Variants in LPP observed in about 807,000 individuals in gnomAD.
LPP encodes LIM domain containing preferred translocation partner in lipoma, also known as lipoma-preferred partner.
A neutral mutation model predicts 60.4 loss-of-function variants in LPP; 38 were observed. That is an observed-to-expected ratio of 0.63 (90% CI 0.49 to 0.83). The LOEUF is 0.83. LPP is among the 40% of genes least tolerant of loss of function. The pLI, the probability that LPP is intolerant of heterozygous loss-of-function variation, is 0.00. For missense variants in LPP, 902 were observed against 783.6 expected (o/e 1.15, Z -1.80); for synonymous variants, 328 against 290.8 (o/e 1.13, Z -1.30).
At chr3:188,471,983 C>T (rs1801962382) in intron 4 of LPP, among the ~76,000 whole-genome samples, 1 of 152,132 alleles carries the variant, frequency 6.6e-6, no homozygotes, top group Admixed American at 6.5e-5. Context: ...AATCCTTAGC[C>T]TTGATCTCTT....
intron 1 of LPP, among the ~76,000 whole-genome samples, chr3:188,200,750 G>C (rs1211490362): frequency 6.6e-6 from 1 of 152,134 alleles, no homozygotes; most frequent in Non-Finnish European, 1.5e-5. Context: ...GTCGGCTTCT[G>C]TGATGCAGAA....
intron 1 of LPP, among the ~76,000 whole-genome samples, chr3:188,222,479 A>T (rs1716160182): frequency 6.6e-6 from 1 of 152,266 alleles, no homozygotes; most frequent in South Asian, 2.1e-4. Context: ...GATGATATTA[A>T]CCCTGTTTTG....
At chr3:188,859,711 G>A (rs1448348018) in intron 9 of LPP, among the ~76,000 whole-genome samples, 1 of 152,104 alleles carries the variant, frequency 6.6e-6, no homozygotes, top group Non-Finnish European at 1.5e-5. Context: ...GGCAATAGAT[G>A]CAAAAAGTTA....
At chr3:188,844,562 A>T (rs1194789824) in intron 9 of LPP, among the ~76,000 whole-genome samples, 1 of 152,368 alleles carries the variant, frequency 6.6e-6, no homozygotes, top group African/African-American at 2.4e-5. Context: ...TCAATAATGT[A>T]GTGATTCCAA....
chr3:188,270,716 C>T (rs1190635234), intron 2 of LPP, among the ~76,000 whole-genome samples: 2 of 152,220 alleles, frequency 1.3e-5, no homozygotes, highest in African/African-American at 4.8e-5. Flanking sequence ...TTATGCAGAA[C>T]ATGAACTGTG....
rs1390814844 is a variant in LPP at position 188,886,641 on chromosome 3, C to T, written c.*12162C>T. On this transcript the variant is annotated 3_prime_UTR_variant, in exon 12 of 12. Coordinates refer to ENST00000617246, the MANE Select transcript of LPP (RefSeq NM_001375462.1). ...ATCTTCACATAATATAAAGAAAAAACTAATAAAAATTTTCGTATTTCACTT... is the reference window on the plus strand; with the variant it reads ...ATCTTCACATAATATAAAGAAAAAATTAATAAAAATTTTCGTATTTCACTT... 4.7e-6 allele frequency: 1 copy of T among 211,518 alleles called. No homozygotes were observed. Among genetic ancestry groups the T allele is most frequent in the African/African-American group, 2.3e-5 (1 of 43,178 alleles). The allele number at this position is 211,518 out of a possible 1,614,324, so 13.1% of individuals were successfully genotyped here.
At chr3:188,770,076 A>G (rs1195048971) in intron 9 of LPP, among the ~76,000 whole-genome samples, 1 of 151,910 alleles carries the variant, frequency 6.6e-6, no homozygotes, top group Non-Finnish European at 1.5e-5. Flanking sequence ...AATTGTTGGC[A>G]GTGGTTCAGT....
chr3:188,884,188 A>G lies in LPP; in HGVS notation c.*9709A>G. 4.4e-6 allele frequency: 1 copy of G among 228,460 alleles called. No individual in the cohort carries two copies. The highest frequency in any genetic ancestry group is 8.7e-6 in the Non-Finnish European group (1 of 115,040). The allele number at this position is 228,460 out of a possible 1,614,324, so 14.2% of individuals were successfully genotyped here. On this transcript the variant is annotated 3_prime_UTR_variant, in exon 12 of 12. Coordinates refer to ENST00000617246, the MANE Select transcript of LPP (RefSeq NM_001375462.1). ...ATTAGTACCCCTATTCTAGAAGAGA[A>G]AGCTGAGGCTCAAGCCATTAAGTGA...
intron 2 of LPP, among the ~76,000 whole-genome samples, chr3:188,294,271 G>A (rs1304382883): frequency 6.6e-6 from 1 of 152,062 alleles, no homozygotes. Flanking sequence ...ATATGGTGGT[G>A]ATGATTGCAC....
At chr3:188,250,788 G>GTCTT (rs1460686830) in intron 2 of LPP, among the ~76,000 whole-genome samples, 3 of 48,074 alleles carry the variant, frequency 6.2e-5, no homozygotes, top group African/African-American at 2.8e-4. Flanking sequence ...CTTTCTTTCT[G>GTCTT]TCTTTCTCTT....
At chr3:188,315,980 A>G (rs57910850) in intron 2 of LPP, among the ~76,000 whole-genome samples, 28,317 of 152,232 alleles carry the variant, frequency 0.19, 2,983 homozygotes, top group East Asian at 0.32. Flanking sequence ...ATGTCTTTCT[A>G]AAGATTAGCC....
At chr3:188,262,283 G>C (rs1733934427) in intron 2 of LPP, among the ~76,000 whole-genome samples, 1 of 151,896 alleles carries the variant, frequency 6.6e-6, no homozygotes, top group Non-Finnish European at 1.5e-5. Context: ...CACGATTATG[G>C]GTAGTCTTAA....
intron 1 of LPP, among the ~76,000 whole-genome samples, chr3:188,190,789 C>T (rs1727946396): frequency 6.6e-6 from 1 of 152,180 alleles, no homozygotes; most frequent in South Asian, 2.1e-4. Context: ...TAGAATTTAG[C>T]CCCGGCCATA....
intron 2 of LPP, among the ~76,000 whole-genome samples, chr3:188,308,207 C>T (rs1465874156): frequency 6.6e-6 from 1 of 152,058 alleles, no homozygotes; most frequent in South Asian, 2.1e-4. Flanking sequence ...AGCAGTTTCT[C>T]GGTTTTATTT....
At chr3:188,442,714 A>G (rs1049732806) in intron 4 of LPP, among the ~76,000 whole-genome samples, 1 of 152,184 alleles carries the variant, frequency 6.6e-6, no homozygotes, top group Non-Finnish European at 1.5e-5. Context: ...AGTTCACACC[A>G]TCACTGTGAA....
At chr3:188,368,711 CACACACACAGAG>C (rs1200367305) in intron 3 of LPP, among the ~76,000 whole-genome samples, 198 of 120,186 alleles carry the variant, frequency 1.6e-3, no homozygotes, top group South Asian at 0.016. Flanking sequence ...CACACACACA[CACACACACAGAG>C]AGAGAGAGAG....
chr3:188,204,023 G>A (rs987250020), intron 1 of LPP, among the ~76,000 whole-genome samples: 1 of 152,148 alleles, frequency 6.6e-6, no homozygotes, highest in Non-Finnish European at 1.5e-5. Context: ...CTGGGAATTG[G>A]TGGGGCCATC....
chr3:188,889,185 T>C lies in LPP; in HGVS notation c.*14706T>C. The C allele has an allele frequency of 4.4e-6, 1 of 228,906 alleles. No individual in the cohort carries two copies. Among genetic ancestry groups the C allele is most frequent in the East Asian group, 6.2e-5 (1 of 16,048 alleles). 14.2% of individuals were successfully genotyped at this position (228,906 alleles called of 1,614,324 possible). ...CAGATCCTTAGAGCATTACTTTGAC[T>C]CCTAAAAATAGTAGTGTATGTTATT... On this transcript the variant is annotated 3_prime_UTR_variant, in exon 12 of 12. Transcript: ENST00000617246.
intron 9 of LPP, among the ~76,000 whole-genome samples, chr3:188,813,651 T>G (rs578206337): frequency 6.6e-6 from 1 of 152,322 alleles, no homozygotes; most frequent in South Asian, 2.1e-4. Flanking sequence ...TGCAGAAAGC[T>G]GCACTCTGCC....
Sources: gnomAD v4.1 joint callset for allele counts (sites outside exome capture counted in the v4.1 genomes callset) on GRCh38, gnomAD v4.1.1 for gene constraint, MANE v1.5 for transcripts, NCBI Gene and HGNC (gene_info 2026-07-23, HGNC 2026-07-21) for gene names.